The following ARHGAP15 variants were observed in gnomAD, a reference collection of about 807,000 sequenced individuals.
ARHGAP15 encodes Rho GTPase activating protein 15, also known as rho GTPase-activating protein 15.
A neutral mutation model predicts 63.7 loss-of-function variants in ARHGAP15; 51 were observed. That is an observed-to-expected ratio of 0.80 (90% CI 0.64 to 1.01). The LOEUF (loss-of-function observed/expected upper bound fraction) is 1.01, where lower values mean the gene tolerates loss of function less well. ARHGAP15 is among the 50% of genes least tolerant of loss of function. The pLI is 0.00. For missense variants in ARHGAP15, 560 were observed against 564.6 expected (o/e 0.99, Z 0.08); for synonymous variants, 191 against 193.8 (o/e 0.99, Z 0.12).
At chr2:143,677,349 A>T (rs1682877928) in intron 12 of ARHGAP15, among the ~76,000 whole-genome samples, 1 of 152,198 alleles carries the variant, frequency 6.6e-6, no homozygotes, top group African/African-American at 2.4e-5. Context: ...TGGTGTAGGG[A>T]ATAAAACAAG....
intron 11 of ARHGAP15, among the ~76,000 whole-genome samples, chr2:143,583,195 A>G (rs977932106): frequency 6.6e-6 from 1 of 152,234 alleles, no homozygotes; most frequent in Non-Finnish European, 1.5e-5. Flanking sequence ...ACATAGGAAC[A>G]TGTCAGGAAT....
chr2:143,600,737 C>T (rs1289866801), intron 11 of ARHGAP15, among the ~76,000 whole-genome samples: 1 of 152,108 alleles, frequency 6.6e-6, no homozygotes, highest in Non-Finnish European at 1.5e-5. Context: ...CTTTAAAGAA[C>T]TTGTCTACGA....
chr2:143,186,515 C>A (rs192053439), intron 2 of ARHGAP15, among the ~76,000 whole-genome samples: 1 of 152,282 alleles, frequency 6.6e-6, no homozygotes, highest in Admixed American at 6.5e-5. Flanking sequence ...CTCCATTCCT[C>A]ATCTTTGAAT....
At chr2:143,569,739 T>C (rs1217065024) in intron 11 of ARHGAP15, among the ~76,000 whole-genome samples, 2 of 152,198 alleles carry the variant, frequency 1.3e-5, no homozygotes, top group African/African-American at 4.8e-5. Flanking sequence ...ATTATTCCAC[T>C]GGCTAAGAGA....
At chr2:143,645,853 A>C (rs1428178621) in intron 12 of ARHGAP15, among the ~76,000 whole-genome samples, 1 of 152,064 alleles carries the variant, frequency 6.6e-6, no homozygotes, top group African/African-American at 2.4e-5. Flanking sequence ...TCAAATACAT[A>C]ATCTCTCTTG....
At chr2:143,236,253 A>G (rs1693639846) in intron 5 of ARHGAP15, 2 of 275,148 alleles carry the variant, frequency 7.3e-6, no homozygotes, top group Admixed American at 1.1e-4. Context: ...GTATAGGTTT[A>G]TTATAATAAA....
At chr2:143,638,614 C>T (rs1483115015) in intron 12 of ARHGAP15, among the ~76,000 whole-genome samples, 3 of 144,278 alleles carry the variant, frequency 2.1e-5, no homozygotes, top group Non-Finnish European at 4.5e-5. Context: ...AACTAACCTG[C>T]ACAATGTGCA....
At chr2:143,402,980 T>C (rs758506982) in intron 6 of ARHGAP15, among the ~76,000 whole-genome samples, 4 of 151,828 alleles carry the variant, frequency 2.6e-5, no homozygotes, top group Non-Finnish European at 5.9e-5. Flanking sequence ...ATTTCAAATA[T>C]TAAAACCTAG....
At chr2:143,283,519 G>T (rs1330512695) in intron 6 of ARHGAP15, among the ~76,000 whole-genome samples, 6 of 152,038 alleles carry the variant, frequency 3.9e-5, no homozygotes, top group African/African-American at 1.4e-4. Flanking sequence ...AATATTTTTG[G>T]TGTTCTGCCT....
intron 11 of ARHGAP15, among the ~76,000 whole-genome samples, chr2:143,560,603 T>C (rs1695978672): frequency 6.6e-6 from 1 of 152,238 alleles, no homozygotes; most frequent in African/African-American, 2.4e-5. Flanking sequence ...CTTTTCATGC[T>C]ACACACGCTC....
chr2:143,417,367 T>C (rs568209167), intron 6 of ARHGAP15, among the ~76,000 whole-genome samples: 52 of 152,294 alleles, frequency 3.4e-4, no homozygotes, highest in African/African-American at 1.2e-3. Flanking sequence ...TGCCATTCTT[T>C]TGAAGAGTTT....
chr2:143,372,380 A>G (rs1250650542), intron 6 of ARHGAP15, among the ~76,000 whole-genome samples: 3 of 150,842 alleles, frequency 2.0e-5, no homozygotes, highest in Non-Finnish European at 4.4e-5. Context: ...AAGGACCCAG[A>G]GACTCCAAGA....
intron 12 of ARHGAP15, among the ~76,000 whole-genome samples, chr2:143,670,744 C>G (rs1229027194): frequency 6.6e-6 from 1 of 152,154 alleles, no homozygotes; most frequent in Admixed American, 6.6e-5. Context: ...ACAGAACATG[C>G]CCTGGCCTGT....
In ARHGAP15 at chr2:143,689,639, C is replaced by T. The variant is rs865778621; in HGVS notation, c.1139-13780C>T. ...CTTACATTAATTCTTATCTAGCATACTTGTTCTCTTAAGGCACTAGTATCC... is the reference window on the plus strand; with the variant it reads ...CTTACATTAATTCTTATCTAGCATATTTGTTCTCTTAAGGCACTAGTATCC... On this transcript the variant is annotated intron_variant, in intron 12 of 13. Coordinates refer to ENST00000295095, the MANE Select transcript of ARHGAP15 (RefSeq NM_018460.4). Among the ~76,000 whole-genome samples the T allele has an allele frequency of 3.3e-5, 5 of 152,146 alleles. No individual in the cohort carries two copies. In the South Asian group the frequency reaches 6.2e-4, roughly 19 times the overall value.
chr2:143,308,619 A>G (rs918744761), intron 6 of ARHGAP15, among the ~76,000 whole-genome samples: 8 of 152,104 alleles, frequency 5.3e-5, no homozygotes, highest in African/African-American at 1.9e-4. Context: ...CAAGAATATG[A>G]TAGAACAAGC....
At position 143,591,473 on chromosome 2, in the gene ARHGAP15, G is replaced by T. The variant is rs139793776; in HGVS notation, c.1004-32660G>T. 2.8e-3 allele frequency among the ~76,000 whole-genome samples: 428 copies of T among 152,136 alleles called. 3 individuals are homozygous for T. The highest frequency in any genetic ancestry group is 0.01 in the African/African-American group (416 of 41,506). On this transcript the variant is annotated intron_variant, in intron 11 of 13. Transcript: ENST00000295095. The stretch of plus-strand genomic sequence containing the variant: ...ATTGGTTAAAATACTTCAGGGCTCT[G>T]CTTCCTCAACTATAAAATAAGACTA...
At chr2:143,251,212 C>T (rs976845025) in intron 6 of ARHGAP15, among the ~76,000 whole-genome samples, 3 of 150,920 alleles carry the variant, frequency 2.0e-5, no homozygotes, top group African/African-American at 4.9e-5. Context: ...CACCTAATTG[C>T]GTGATTTATC....
intron 3 of ARHGAP15, among the ~76,000 whole-genome samples, chr2:143,210,936 CA>C (rs1186129178): frequency 2.0e-5 from 3 of 151,330 alleles, no homozygotes; most frequent in Non-Finnish European, 4.4e-5. Flanking sequence ...TTACATCAGA[CA>C]AAAACATCAT....
intron 9 of ARHGAP15, among the ~76,000 whole-genome samples, chr2:143,508,724 ATG>A (rs199898012): frequency 2.5e-3 from 71 of 28,370 alleles, no homozygotes; most frequent in African/African-American, 4.8e-3. Context: ...GAAGAATTTC[ATG>A]CGCACAGTGT....
Sources: allele counts gnomAD v4.1 joint callset (sites outside exome capture counted in the v4.1 genomes callset), GRCh38; gene constraint gnomAD v4.1.1; transcripts MANE v1.5; gene names NCBI Gene and HGNC (gene_info 2026-07-23, HGNC 2026-07-21).